ZHX2: variants seen among roughly 807,000 people sequenced by gnomAD.
ZHX2 encodes the protein zinc fingers and homeoboxes 2.
Under a neutral mutation model 21.9 loss-of-function variants are expected in ZHX2, and 6 were observed. The observed-to-expected ratio is 0.27, with a 90% confidence interval of 0.15 to 0.54. ZHX2 has a LOEUF of 0.54. Among genes scored for constraint, ZHX2 ranks in the 20% least tolerant of loss-of-function variants. ZHX2 has a pLI of 0.95. For missense variants in ZHX2, 908 were observed against 1,090.7 expected (o/e 0.83, Z 2.36); for synonymous variants, 434 against 437.1 (o/e 0.99, Z 0.09).
chr8:122,959,810 C>G (rs190164100), intron 3 of ZHX2, among the ~76,000 whole-genome samples: 1 of 152,134 alleles, frequency 6.6e-6, no homozygotes, highest in South Asian at 2.1e-4. Context: ...TCATGCCTAA[C>G]AGGGAGTTAA....
chr8:122,967,588 G>C (rs1813614420), intron 3 of ZHX2, among the ~76,000 whole-genome samples: 1 of 152,332 alleles, frequency 6.6e-6, no homozygotes, highest in Admixed American at 6.5e-5. Context: ...GTCCTTGGTT[G>C]TAGTTTTGTT....
intron 3 of ZHX2, among the ~76,000 whole-genome samples, chr8:122,958,465 C>G (rs772489604): frequency 2.4e-4 from 36 of 152,220 alleles, no homozygotes; most frequent in South Asian, 1.0e-3. Context: ...GTTACTATTG[C>G]TAGTGAGGGT....
intron 1 of ZHX2, among the ~76,000 whole-genome samples, chr8:122,855,790 G>A (rs1819011326): frequency 6.6e-6 from 1 of 152,092 alleles, no homozygotes; most frequent in African/African-American, 2.4e-5. Context: ...AGAATTGGGA[G>A]AAAACACAGC....
chr8:122,851,788 G>A (rs567133079), intron 1 of ZHX2, among the ~76,000 whole-genome samples: 1 of 152,260 alleles, frequency 6.6e-6, no homozygotes, highest in Admixed American at 6.5e-5. Context: ...ATGTTCCCTG[G>A]CTACCCAACT....
intron 1 of ZHX2, among the ~76,000 whole-genome samples, chr8:122,798,592 A>AG (rs1286266918): frequency 3.3e-5 from 5 of 152,098 alleles, no homozygotes; most frequent in Non-Finnish European, 5.9e-5. Context: ...CAAGAGTTCA[A>AG]GACCATCCTG....
chr8:122,899,295 C>T (rs761189452), intron 2 of ZHX2, among the ~76,000 whole-genome samples: 3 of 152,142 alleles, frequency 2.0e-5, no homozygotes, highest in Admixed American at 1.3e-4. Flanking sequence ...CTTCACAGCA[C>T]TGGGAACATT....
intron 1 of ZHX2, among the ~76,000 whole-genome samples, chr8:122,843,508 G>A (rs948064706): frequency 3.9e-5 from 6 of 152,184 alleles, no homozygotes; most frequent in Non-Finnish European, 1.5e-5. Flanking sequence ...GTGGCCTTTG[G>A]CCCCCACCGT....
At chr8:122,920,236 T>C (rs1820705153) in intron 2 of ZHX2, among the ~76,000 whole-genome samples, 2 of 152,054 alleles carry the variant, frequency 1.3e-5, no homozygotes, top group Non-Finnish European at 2.9e-5. Flanking sequence ...ATCGTGCCGT[T>C]GCACTCCAGC....
intron 3 of ZHX2, among the ~76,000 whole-genome samples, chr8:122,965,310 T>C (rs1171617743): frequency 6.6e-6 from 1 of 152,168 alleles, no homozygotes; most frequent in Non-Finnish European, 1.5e-5. Context: ...CTCTTGGCAC[T>C]GCTTTTGCTG....
chr8:122,794,088 C>A (rs1315612503), intron 1 of ZHX2, among the ~76,000 whole-genome samples: 1 of 152,186 alleles, frequency 6.6e-6, no homozygotes, highest in Admixed American at 6.5e-5. Context: ...ACCCCAACCC[C>A]CTGCCACCTG....
At chr8:122,854,541 G>A (rs569047023) in intron 1 of ZHX2, among the ~76,000 whole-genome samples, 9 of 151,990 alleles carry the variant, frequency 5.9e-5, no homozygotes, top group African/African-American at 2.2e-4. Context: ...CCAGTCCCTC[G>A]ACGCCTCTTT....
intron 1 of ZHX2, among the ~76,000 whole-genome samples, chr8:122,833,996 CAA>C (rs71310629): frequency 2.8e-5 from 4 of 141,326 alleles, no homozygotes; most frequent in Non-Finnish European, 1.5e-5. Flanking sequence ...GACTCCGTCT[CAA>C]AAAAAAAAAA....
intron 2 of ZHX2, among the ~76,000 whole-genome samples, chr8:122,907,372 C>A (rs1820374973): frequency 6.6e-6 from 1 of 152,148 alleles, no homozygotes; most frequent in Non-Finnish European, 1.5e-5. Flanking sequence ...CGGGAGGGAG[C>A]ATCCAGGCCA....
At chr8:122,864,653 G>T (rs1429686486) in intron 2 of ZHX2, among the ~76,000 whole-genome samples, 4 of 152,100 alleles carry the variant, frequency 2.6e-5, no homozygotes, top group Admixed American at 2.0e-4. Context: ...CACTCCCCAG[G>T]GCCCCAGAGA....
At chr8:122,900,657 G>A (rs1404142785) in intron 2 of ZHX2, among the ~76,000 whole-genome samples, 1 of 152,194 alleles carries the variant, frequency 6.6e-6, no homozygotes, top group Non-Finnish European at 1.5e-5. Flanking sequence ...TTGTCCTGGT[G>A]CTAGATTTAA....
intron 1 of ZHX2, among the ~76,000 whole-genome samples, chr8:122,800,233 G>T (rs985723334): frequency 2.6e-5 from 4 of 152,206 alleles, no homozygotes; most frequent in African/African-American, 7.2e-5. Flanking sequence ...AGCTTGTCCT[G>T]CAGTTCAGAT....
intron 1 of ZHX2, among the ~76,000 whole-genome samples, chr8:122,856,533 C>T (rs1387603936): frequency 2.6e-5 from 4 of 152,086 alleles, no homozygotes; most frequent in Admixed American, 1.3e-4. Context: ...TGTGAGGGCT[C>T]ACTTTCATAG....
intron 1 of ZHX2, among the ~76,000 whole-genome samples, chr8:122,801,348 A>G (rs1817716093): frequency 6.6e-6 from 1 of 152,326 alleles, no homozygotes; most frequent in East Asian, 1.9e-4. Flanking sequence ...ATGGAGTTTC[A>G]TAAGTTAGGA....
At chr8:122,865,320 G>GTCTC (rs1179337279) in intron 2 of ZHX2, among the ~76,000 whole-genome samples, 2 of 151,984 alleles carry the variant, frequency 1.3e-5, no homozygotes, top group Non-Finnish European at 2.9e-5. Flanking sequence ...AGTAGAGATG[G>GTCTC]GGTTTCACCA....
Sources: allele counts gnomAD v4.1 joint callset (sites outside exome capture counted in the v4.1 genomes callset), GRCh38; gene constraint gnomAD v4.1.1; transcripts MANE v1.5; gene names NCBI Gene and HGNC (gene_info 2026-07-23, HGNC 2026-07-21).